The following RMND5A variants were observed in gnomAD, a reference collection of about 807,000 sequenced individuals.
RMND5A encodes E3 ubiquitin-protein transferase RMND5A.
A neutral mutation model predicts 49.7 loss-of-function variants in RMND5A; 17 were observed. The ratio of observed to expected loss-of-function variants is 0.34; its 90% CI spans 0.23 to 0.51. The LOEUF (loss-of-function observed/expected upper bound fraction) is 0.51, where lower values mean the gene tolerates loss of function less well. Ranked by LOEUF, RMND5A falls within the 20% of genes least tolerant of loss-of-function variation. The pLI is 0.96. For missense variants in RMND5A, 255 were observed against 471.3 expected (o/e 0.54, Z 4.25); for synonymous variants, 156 against 167.7 (o/e 0.93, Z 0.54).
chr2:86,754,971 C>T (rs1681705609), intron 4 of RMND5A, among the ~76,000 whole-genome samples: 3 of 152,216 alleles, frequency 2.0e-5, no homozygotes, highest in Admixed American at 2.0e-4. Flanking sequence ...TAATAGATCT[C>T]ACTTAAGAAC....
Position 86,775,516 on chromosome 2 carries a change from T to C in RMND5A, c.*2105T>C, listed in dbSNP as rs1239483132. 1 of 151,978 alleles carries C rather than the reference T, an allele frequency of 6.6e-6. No homozygotes were observed. The highest frequency in any genetic ancestry group is 1.5e-5 in the Non-Finnish European group (1 of 67,980). The allele number at this position is 151,978 out of a possible 1,614,324, so 9.4% of individuals were successfully genotyped here. ...CTTCATACAGTCGGCTTGGGCCACT[T>C]TAAAGGACAAAAGCCAGAGCTCAGC... is the stretch of plus-strand genomic sequence containing the variant. On this transcript the variant is annotated 3_prime_UTR_variant, in exon 9 of 9. Coordinates refer to ENST00000283632, the MANE Select transcript of RMND5A (RefSeq NM_022780.4).
rs1414426891 is a variant in RMND5A at position 86,726,603 on chromosome 2, G to A, written c.142+5794G>A. Among the ~76,000 whole-genome samples, 19 of 75,866 alleles carry A rather than the reference G, an allele frequency of 2.5e-4. 8 individuals are homozygous for A. Among genetic ancestry groups the A allele is most frequent in the Admixed American group, 5.7e-4 (4 of 7,070 alleles). The allele number at this position is 75,866 out of a possible 152,430, so 49.8% of individuals were successfully genotyped here. A position where few individuals can be genotyped will look rare whatever the true frequency, so the allele number is the denominator to read the frequency against. On this transcript the variant is annotated intron_variant, in intron 1 of 8. Transcript: ENST00000283632. Reference sequence around the variant, plus strand: ...TCAAGTTATTTAGGCCATTTTAGGTGGTAAGAATAAAAAGTCAGTATATTG... The same window carrying A: ...TCAAGTTATTTAGGCCATTTTAGGTAGTAAGAATAAAAAGTCAGTATATTG...
chr2:86,770,183 C>T, intron 7 of RMND5A, 58 bp downstream of exon 7: 3 of 1,156,474 alleles, frequency 2.6e-6, no homozygotes, highest in South Asian at 2.4e-5. Context: ...AATATGGCAT[C>T]TTTAAATGTT....
chr2:86,765,896 A>G lies in RMND5A; in HGVS notation c.726A>G (p.Arg242=). The G allele has an allele frequency of 6.2e-7, 1 of 1,614,092 alleles. No individual in the cohort carries two copies. Among genetic ancestry groups the G allele is most frequent in the Non-Finnish European group, 8.5e-7 (1 of 1,180,004 alleles). ...TGATGGGAAGCCTTGTGTACCTGAGACAAGGGATTGAGAACTCACCATATG... is the reference window on the plus strand; with the variant it reads ...TGATGGGAAGCCTTGTGTACCTGAGGCAAGGGATTGAGAACTCACCATATG... ...QVLMGSLVYL[R]QGIENSPYVH... The change falls in exon 6 of 9, where the codon AGA becomes AGG. Residue 242 remains arginine (R), a synonymous_variant. Coordinates refer to ENST00000283632, the MANE Select transcript of RMND5A (RefSeq NM_022780.4).
chr2:86,750,323 G>T (rs536912939), intron 2 of RMND5A, among the ~76,000 whole-genome samples: 1 of 152,220 alleles, frequency 6.6e-6, no homozygotes, highest in Non-Finnish European at 1.5e-5. Flanking sequence ...GTTTCCCTCC[G>T]TCTGAGAATG....
chr2:86,750,236 G>A (rs187491587), intron 2 of RMND5A, among the ~76,000 whole-genome samples: 4 of 152,324 alleles, frequency 2.6e-5, no homozygotes, highest in African/African-American at 9.6e-5. Context: ...GATGTTTCAT[G>A]TTCCTTCTGG....
chr2:86,773,613 T>C lies in RMND5A; in HGVS notation c.*202T>C. On this transcript the variant is annotated 3_prime_UTR_variant, in exon 9 of 9. Coordinates refer to ENST00000283632, the MANE Select transcript of RMND5A (RefSeq NM_022780.4). ...TTATCATAGGGCTTTATTATATTCT[T>C]GGTCTTCATTTCTGATCAAGTAAAT... The C allele has an allele frequency of 5.0e-6, 2 of 401,204 alleles. No individual in the cohort carries two copies. Among genetic ancestry groups the C allele is most frequent in the Non-Finnish European group, 9.0e-6 (2 of 223,002 alleles). 24.9% of individuals were successfully genotyped at this position (401,204 alleles called of 1,614,324 possible).
Position 86,773,664 on chromosome 2 carries a change from G to T in RMND5A, c.*253G>T. The T allele has an allele frequency of 3.2e-6, 1 of 310,448 alleles. No individual in the cohort carries two copies. Among genetic ancestry groups the T allele is most frequent in the Non-Finnish European group, 5.9e-6 (1 of 170,528 alleles). 19.2% of individuals were successfully genotyped at this position (310,448 alleles called of 1,614,324 possible). Reference sequence around the variant, plus strand: ...ACACCAGCAGTTGTCATTCAATGCAGGTTTTTGTACTTAATTATATGGTGA... The same window carrying T: ...ACACCAGCAGTTGTCATTCAATGCATGTTTTTGTACTTAATTATATGGTGA... On this transcript the variant is annotated 3_prime_UTR_variant, in exon 9 of 9. Coordinates refer to ENST00000283632, the MANE Select transcript of RMND5A (RefSeq NM_022780.4).
chr2:86,759,661 G>A (rs1341325832), intron 4 of RMND5A, among the ~76,000 whole-genome samples: 5 of 140,142 alleles, frequency 3.6e-5, no homozygotes, highest in East Asian at 5.3e-4. Context: ...TTTGCCAGGC[G>A]CGGTGGTGAG....
chr2:86,770,133 C>G lies in RMND5A; in HGVS notation c.957+8C>G, dbSNP rs201069878. The stretch of plus-strand genomic sequence containing the variant: ...CAGAAAGATGAATTACCTGTGAGTT[C>G]CATTTTCTATTGGCTATTTACTTTT... On this transcript the variant is annotated splice_region_variant and intron_variant, in intron 7 of 8. Coordinates refer to ENST00000283632, the MANE Select transcript of RMND5A (RefSeq NM_022780.4). 746 of 1,574,708 alleles carry G rather than the reference C, an allele frequency of 4.7e-4. No individual in the cohort carries two copies. Among genetic ancestry groups the G allele is most frequent in the Non-Finnish European group, 6.2e-4 (704 of 1,144,264 alleles).
rs1326451042 is a variant in RMND5A at position 86,720,296 on chromosome 2, C to G, written c.-372C>G. The G allele has an allele frequency of 6.6e-6, 1 of 152,422 alleles. No homozygotes were observed. The highest frequency in any genetic ancestry group is 1.5e-5 in the Non-Finnish European group (1 of 68,264). 9.4% of individuals were successfully genotyped at this position (152,422 alleles called of 1,614,324 possible). A position where few individuals can be genotyped will look rare whatever the true frequency, so the allele number is the denominator to read the frequency against. ...TCGCCCGGGTGGCCATCCCCCTCCC[C>G]CCAGTCGGCGGCGCTTGGTGCCGCC... On this transcript the variant is annotated 5_prime_UTR_variant, in exon 1 of 9. Coordinates refer to ENST00000283632, the MANE Select transcript of RMND5A (RefSeq NM_022780.4).
chr2:86,720,601 G>A lies in RMND5A; in HGVS notation c.-67G>A, dbSNP rs1337982378. On this transcript the variant is annotated 5_prime_UTR_variant, in exon 1 of 9. Transcript: ENST00000283632. ...GGAACGAGGAGCAGGACGCGGCCTC[G>A]GTGGGGCCCGGGCCGAACGGCTGCG... 2 of 1,344,676 alleles carry A rather than the reference G, an allele frequency of 1.5e-6. No individual in the cohort carries two copies. The highest frequency in any genetic ancestry group is 3.1e-5 in the East Asian group (1 of 32,122). The allele number at this position is 1,344,676 out of a possible 1,614,324, so 83.3% of individuals were successfully genotyped here. A position where few individuals can be genotyped will look rare whatever the true frequency, so the allele number is the denominator to read the frequency against.
rs945891577 is a variant in RMND5A at position 86,774,619 on chromosome 2, A to C, written c.*1208A>C. On this transcript the variant is annotated 3_prime_UTR_variant, in exon 9 of 9. Transcript: ENST00000283632. ...AGAGTCTTTCTGTATGACGAACTAC[A>C]TGGAAAAGACTTCTGTGGACATAAT... 6.6e-6 allele frequency: 1 copy of C among 152,668 alleles called. No individual in the cohort carries two copies. The highest frequency in any genetic ancestry group is 1.5e-5 in the Non-Finnish European group (1 of 68,042). 9.5% of individuals were successfully genotyped at this position (152,668 alleles called of 1,614,324 possible).
intron 4 of RMND5A, 67 bp from the exon 5 acceptor site, chr2:86,764,960 T>G (rs1672565405): frequency 1.4e-6 from 2 of 1,479,812 alleles, no homozygotes; most frequent in Non-Finnish European, 1.8e-6. Context: ...TTACTGGGTT[T>G]CAAATAGTTT....
At chr2:86,721,609 G>GTT (rs538337443) in intron 1 of RMND5A, among the ~76,000 whole-genome samples, 5 of 146,194 alleles carry the variant, frequency 3.4e-5, no homozygotes, top group Admixed American at 6.8e-5. Flanking sequence ...CACCTAGATT[G>GTT]TTTTTTTTTT....
At chr2:86,756,808 A>G (rs75035144) in intron 4 of RMND5A, among the ~76,000 whole-genome samples, 4,947 of 152,236 alleles carry the variant, frequency 0.032, 282 homozygotes, top group African/African-American at 0.11. Context: ...CACAAGGGAA[A>G]AGAGGAAGGA....
rs1447112548 is a variant in RMND5A at position 86,720,869 on chromosome 2, C to G, written c.142+60C>G. The G allele has an allele frequency of 2.7e-6, 4 of 1,461,620 alleles. No homozygotes were observed. In the African/African-American group the frequency reaches 5.9e-5, roughly 22 times the overall value. 90.5% of individuals were successfully genotyped at this position (1,461,620 alleles called of 1,614,324 possible). Reference sequence around the variant, plus strand: ...CCACTGCCCGAGCCCCGGTCCCGGCCCCGCGGCGGGAATCCCTCACCCACC... The same window carrying G: ...CCACTGCCCGAGCCCCGGTCCCGGCGCCGCGGCGGGAATCCCTCACCCACC... On this transcript the variant is annotated intron_variant, in intron 1 of 8. Coordinates refer to ENST00000283632, the MANE Select transcript of RMND5A (RefSeq NM_022780.4).
intron 4 of RMND5A, among the ~76,000 whole-genome samples, chr2:86,763,590 G>A (rs985846676): frequency 1.3e-5 from 2 of 151,924 alleles, no homozygotes; most frequent in Non-Finnish European, 2.9e-5. Context: ...AATCAGCTTG[G>A]GCAACATAGT....
At chr2:86,759,103 A>G (rs980294111) in intron 4 of RMND5A, among the ~76,000 whole-genome samples, 1 of 152,188 alleles carries the variant, frequency 6.6e-6, no homozygotes, top group African/African-American at 2.4e-5. Flanking sequence ...CCCTAGTATT[A>G]CTAGAAATAG....
Sources: allele counts gnomAD v4.1 joint callset (sites outside exome capture counted in the v4.1 genomes callset), GRCh38; gene constraint gnomAD v4.1.1; transcripts MANE v1.5; gene names NCBI Gene and HGNC (gene_info 2026-07-23, HGNC 2026-07-21).